MKI67: variants seen among roughly 807,000 people sequenced by gnomAD.
MKI67 encodes the protein proliferation marker protein Ki-67.
Under a neutral mutation model 233.5 loss-of-function variants are expected in MKI67, and 152 were observed. The observed-to-expected ratio is 0.65, with a 90% CI of 0.57 to 0.74. The LOEUF (loss-of-function observed/expected upper bound fraction) is 0.74, where lower values mean the gene tolerates loss of function less well. Among genes scored for constraint, MKI67 ranks in the 30% least tolerant of loss-of-function variants. The pLI is 0.00. For synonymous variants in MKI67, 1,465 were observed against 1,418.5 expected, an observed-to-expected ratio of 1.03 and a Z score of -0.74; for missense variants, 3,940 against 3,885.2, an observed-to-expected ratio of 1.01 and a Z score of -0.37.
In MKI67 at chr10:128,097,116, A is replaced by G. The variant is rs1457622233; in HGVS notation, c.*2074T>C. Reference sequence around the variant, plus strand: ...CAGATCCCACAGGCCCTGGGAGGCGAAAAAGTAAAAACAGCTTGTATTTAA... The same window carrying G: ...CAGATCCCACAGGCCCTGGGAGGCGGAAAAGTAAAAACAGCTTGTATTTAA... On this transcript the variant is annotated 3_prime_UTR_variant, in exon 15 of 15. Transcript: ENST00000368654. 1 of 152,196 alleles carries G rather than the reference A, an allele frequency of 6.6e-6. No individual in the cohort carries two copies. The highest frequency in any genetic ancestry group is 1.5e-5 in the Non-Finnish European group (1 of 68,056). The allele number at this position is 152,196 out of a possible 1,614,324, so 9.4% of individuals were successfully genotyped here. A position where few individuals can be genotyped will look rare whatever the true frequency, so the allele number is the denominator to read the frequency against.
chr10:128,109,342 TG>T lies in MKI67; in HGVS notation c.2497del (p.Gln833SerfsTer9). ...KCSASPPLRRQCIRENGNVAK... is the reference protein window; with the variant it reads ...KCSASPPLRRXCIRENGNVAK... ...TACGTTTCCATTTTCTCTAATACAC[TG>T]CCGTCTTAAGGGAGGGCTTGCAGAG... is the stretch of plus-strand genomic sequence containing the variant. On this transcript the variant is annotated frameshift_variant, in exon 13 of 15. Coordinates refer to ENST00000368654, the MANE Select transcript of MKI67 (RefSeq NM_002417.5). LOFTEE classifies it high-confidence loss of function. 1 of 1,613,956 alleles carries T rather than the reference TG, an allele frequency of 6.2e-7. No homozygotes were observed. Among genetic ancestry groups the T allele is most frequent in the Non-Finnish European group, 8.5e-7 (1 of 1,179,972 alleles).
chr10:128,119,373 G>T, intron 4 of MKI67, 54 bp from the exon 5 acceptor site: 1 of 1,278,260 alleles, frequency 7.8e-7, no homozygotes, highest in Non-Finnish European at 1.1e-6. Flanking sequence ...CCCTGGGGCG[G>T]AAGTCTCCAT....
intron 8 of MKI67, among the ~76,000 whole-genome samples, chr10:128,113,222 G>A (rs532686454): frequency 6.1e-4 from 93 of 152,294 alleles, no homozygotes; most frequent in African/African-American, 2.2e-3. Flanking sequence ...CGACTCGGTC[G>A]CATCAGCACC....
chr10:128,107,343 G>C lies in MKI67; in HGVS notation c.4497C>G (p.Asp1499Glu), dbSNP rs1175319697. The stretch of plus-strand genomic sequence containing the variant: ...TGGAGCTTGTTGGTGTGTCCACTGG[G>C]TCTGGTTGTGATCTGCAGGCTATTT... ...TTKIACRSQPDPVDTPTSSKP... is the reference protein window; with the variant it reads ...TTKIACRSQPEPVDTPTSSKP... Residue 1499 changes from aspartate (D) to glutamate (E), a missense_variant, in exon 13 of 15, where the codon GAC becomes GAG. Physicochemically the swap from Asp to Glu is conservative, Grantham distance 45. Coordinates refer to ENST00000368654, the MANE Select transcript of MKI67 (RefSeq NM_002417.5). The C allele has an allele frequency of 6.2e-7, 1 of 1,613,806 alleles. No individual in the cohort carries two copies. Among genetic ancestry groups the C allele is most frequent in the Non-Finnish European group, 8.5e-7 (1 of 1,179,990 alleles).
intron 4 of MKI67, 93 bp downstream of exon 4, chr10:128,122,788 G>T: frequency 1.7e-6 from 1 of 598,090 alleles, no homozygotes; most frequent in Non-Finnish European, 2.9e-6. Flanking sequence ...TGACATCCAT[G>T]AACATTAAAG....
At position 128,106,938 on chromosome 10, in the gene MKI67, C is replaced by T. The variant is rs778171153; in HGVS notation, c.4902G>A (p.Lys1634=). Residue 1634 remains lysine, a synonymous_variant, in exon 13 of 15, where the codon AAG becomes AAA. Transcript: ENST00000368654. ...KNPASSKRRL[K]TSLGKVGVKE... is the part of the protein sequence containing the mutation. ...TCACGCCCACTTTCCCCAGGGATGTCTTGAGCCGTCGCTTGGAGCTTGCTG... is the reference window on the plus strand; with the variant it reads ...TCACGCCCACTTTCCCCAGGGATGTTTTGAGCCGTCGCTTGGAGCTTGCTG... The T allele has an allele frequency of 6.2e-7, 1 of 1,614,144 alleles. No homozygotes were observed. The highest frequency in any genetic ancestry group is 2.2e-5 in the East Asian group (1 of 44,884).
In MKI67 at chr10:128,104,142, G is replaced by A; in HGVS notation, c.7698C>T (p.Phe2566=). The A allele has an allele frequency of 6.2e-7, 1 of 1,613,898 alleles. No homozygotes were observed. The highest frequency in any genetic ancestry group is 1.1e-5 in the South Asian group (1 of 91,070). The change falls in exon 13 of 15, where the codon TTC becomes TTT. Residue 2566 remains phenylalanine, a synonymous_variant. Coordinates refer to ENST00000368654, the MANE Select transcript of MKI67 (RefSeq NM_002417.5). ...ACTCTTCAGTGTGACCTGGTGCTGA[G>A]AAGAGCTCTTTGAAGTCAACCAGGT... ...LEDLVDFKEL[F]SAPGHTEESM... is the part of the protein sequence containing the mutation.
intron 4 of MKI67, 36 bp from the exon 5 acceptor site, chr10:128,119,355 A>T: frequency 6.9e-7 from 1 of 1,456,292 alleles, no homozygotes; most frequent in Non-Finnish European, 9.6e-7. Context: ...CCTGATTAAA[A>T]ATTTATACCC....
chr10:128,103,408 G>C lies in MKI67; in HGVS notation c.8432C>G (p.Thr2811Ser). ...AGFKDPAAGH[T>S]EESMTDDKTT... ...TTTGTCATCAGTCATTGATTCTTCA[G>C]TGTGACCTGCTGCTGGGTCTTTGAA... The change falls in exon 13 of 15, where the codon ACT (threonine) becomes AGT (serine). Residue 2811 changes from threonine (T) to serine (S), a missense_variant. Thr to Ser is a moderately conservative substitution (Grantham distance 58, BLOSUM62 1). Coordinates refer to ENST00000368654, the MANE Select transcript of MKI67 (RefSeq NM_002417.5). 1 of 1,613,802 alleles carries C rather than the reference G, an allele frequency of 6.2e-7. No homozygotes were observed. Among genetic ancestry groups the C allele is most frequent in the Non-Finnish European group, 8.5e-7 (1 of 1,179,966 alleles).
Position 128,112,276 on chromosome 10 carries a change from G to T in MKI67, c.1826C>A (p.Ser609Tyr). 1 of 1,614,192 alleles carries T rather than the reference G, an allele frequency of 6.2e-7. No individual in the cohort carries two copies. Among genetic ancestry groups the T allele is most frequent in the Non-Finnish European group, 8.5e-7 (1 of 1,180,040 alleles). The change falls in exon 9 of 15, where the codon TCT (serine) becomes TAT (tyrosine). Residue 609 changes from serine to tyrosine, a missense_variant. By Grantham distance (144) the Ser-to-Tyr change is moderately radical. Transcript: ENST00000368654. ...CKTAPASSSK[S>Y]QTEVPKRGGR... ...TCCTCTCTTAGGAACCTCTGTCTGAGATTTGCTGCTGGAAGCAGGGGCTGT... is the reference window on the plus strand; with the variant it reads ...TCCTCTCTTAGGAACCTCTGTCTGATATTTGCTGCTGGAAGCAGGGGCTGT...
chr10:128,123,261 G>T, intron 2 of MKI67, 92 bp from the exon 3 acceptor site: 1 of 871,338 alleles, frequency 1.1e-6, no homozygotes, highest in Non-Finnish European at 1.9e-6. Flanking sequence ...TGACTAGAAT[G>T]TTTGATCTGT....
In MKI67 at chr10:128,111,699, C is replaced by G; in HGVS notation, c.2206G>C (p.Val736Leu). The G allele has an allele frequency of 6.2e-7, 1 of 1,614,058 alleles. No individual in the cohort carries two copies. Among genetic ancestry groups the G allele is most frequent in the African/African-American group, 1.3e-5 (1 of 75,040 alleles). ...TGGTTGGAAATGAAGTTGTTGAGCA[C>G]TCTGTAGGGTCGAGCAGGCACATGT... ...KVHVPARPYR[V>L]LNNFISNQKM... Residue 736 changes from valine to leucine, a missense_variant, in exon 11 of 15, where the codon GTG becomes CTG. By Grantham distance (32) the Val-to-Leu change is conservative. Coordinates refer to ENST00000368654, the MANE Select transcript of MKI67 (RefSeq NM_002417.5).
Position 128,103,808 on chromosome 10 carries a change from C to T in MKI67, c.8032G>A (p.Asp2678Asn). 6.2e-7 allele frequency: 1 copy of T among 1,614,028 alleles called. No individual in the cohort carries two copies. The highest frequency in any genetic ancestry group is 8.5e-7 in the Non-Finnish European group (1 of 1,180,004). The change falls in exon 13 of 15, where the codon GAC becomes AAC. Residue 2678 changes from aspartate to asparagine, a missense_variant. Coordinates refer to ENST00000368654, the MANE Select transcript of MKI67 (RefSeq NM_002417.5). ...GAGAGCTCTGTGAAGCCGGCCAGGT[C>T]TTCCAGGGGTTGGGCCTTTTCCTTA... ...APKEKAQPLE[D>N]LAGFTELSET... is the part of the protein sequence containing the mutation.
chr10:128,116,624 T>C, intron 5 of MKI67, 88 bp from the exon 6 acceptor site: 2 of 1,326,730 alleles, frequency 1.5e-6, no homozygotes, highest in Non-Finnish European at 2.2e-6. Flanking sequence ...TATTGTTTTC[T>C]GGCTGGGCAT....
In MKI67 at chr10:128,108,539, C is replaced by A. The variant is rs1176771609; in HGVS notation, c.3301G>T (p.Asp1101Tyr). 6.2e-7 allele frequency: 1 copy of A among 1,614,094 alleles called. No homozygotes were observed. Among genetic ancestry groups the A allele is most frequent in the Non-Finnish European group, 8.5e-7 (1 of 1,180,032 alleles). Residue 1101 changes from aspartate to tyrosine, a missense_variant, in exon 13 of 15, where the codon GAC (aspartate) becomes TAC (tyrosine). By Grantham distance (160) the Asp-to-Tyr change is radical (BLOSUM62 -3). Transcript: ENST00000368654. The stretch of plus-strand genomic sequence containing the variant: ...AAGAGCTCTTTGAAGCCAGCCAGGT[C>A]TTCTAGTGACTGGGCCTCTTCCTTA... ...TPKEEAQSLE[D>Y]LAGFKELFQT... is the part of the protein sequence containing the mutation.
Position 128,101,315 on chromosome 10 carries a change from G to T in MKI67, c.9648C>A (p.Ser3216Arg). Residue 3216 changes from serine to arginine, a missense_variant, in exon 14 of 15, where the codon AGC becomes AGA. Physicochemically the swap from Ser to Arg is moderately radical, Grantham distance 110 (BLOSUM62 -1). Coordinates refer to ENST00000368654, the MANE Select transcript of MKI67 (RefSeq NM_002417.5). Reference protein sequence around the residue: ...KSQPAASTLESKSVQRVTRSV... With the variant: ...KSQPAASTLERKSVQRVTRSV... ...TCCGCGTTACTCTCTGCACAGATTT[G>T]CTCTCCAAAGTGCTTGCTGCAGGCT... 6.2e-7 allele frequency: 1 copy of T among 1,614,152 alleles called. No homozygotes were observed. The highest frequency in any genetic ancestry group is 8.5e-7 in the Non-Finnish European group (1 of 1,180,000).
Position 128,116,539 on chromosome 10 carries a change from G to T in MKI67, c.355-3C>A. ...CTTGAGACACGACGTGCTGGCTCCT[G>T]TAAGTTGGGAAAATAAGAACAGTTA... On this transcript the variant is annotated splice_region_variant and splice_polypyrimidine_tract_variant and intron_variant, in intron 5 of 14. Transcript: ENST00000368654. 6.2e-7 allele frequency: 1 copy of T among 1,613,438 alleles called. No homozygotes were observed. Among genetic ancestry groups the T allele is most frequent in the Non-Finnish European group, 8.5e-7 (1 of 1,179,332 alleles).
At chr10:128,109,622 G>A in intron 12 of MKI67, among the ~76,000 whole-genome samples, 199 bp from the exon 13 acceptor site, 1 of 152,140 alleles carries the variant, frequency 6.6e-6, no homozygotes, top group African/African-American at 2.4e-5. Context: ...TGCTATAGTG[G>A]GGTCATCATT....
chr10:128,115,929 T>G lies in MKI67; in HGVS notation c.479A>C (p.Lys160Thr), dbSNP rs771980111. 1 of 1,611,912 alleles carries G rather than the reference T, an allele frequency of 6.2e-7. No individual in the cohort carries two copies. Among genetic ancestry groups the G allele is most frequent in the Non-Finnish European group, 8.5e-7 (1 of 1,179,990 alleles). The change falls in exon 7 of 15, where the codon AAG becomes ACG. Residue 160 changes from lysine to threonine, a missense_variant. Transcript: ENST00000368654. Reference protein sequence around the residue: ...KVSGNPQVHIKNVKEDSTADD... With the variant: ...KVSGNPQVHITNVKEDSTADD... ...TGCGGTACTGTCTTCTTTGACATTC[T>G]TGATATGTACCTGAGGATTTCCTGA...
Sources: gnomAD v4.1 joint callset for allele counts (sites outside exome capture counted in the v4.1 genomes callset) on GRCh38, gnomAD v4.1.1 for gene constraint, MANE v1.5 for transcripts, NCBI Gene and HGNC (gene_info 2026-07-23, HGNC 2026-07-21) for gene names.